The following DPP3 variants were observed in gnomAD, a reference collection of about 807,000 sequenced individuals.
The protein encoded by DPP3 is DPP III.
Under a neutral mutation model 89.8 loss-of-function variants are expected in DPP3, and 64 were observed. That is an observed-to-expected ratio of 0.71 (90% CI 0.58 to 0.88). DPP3 has a LOEUF of 0.88. Ranked by LOEUF, DPP3 falls within the 40% of genes least tolerant of loss-of-function variation. The pLI is 0.00. For missense variants in DPP3, 835 were observed against 972.5 expected (o/e 0.86, Z 1.88); for synonymous variants, 377 against 404.3 (o/e 0.93, Z 0.81).
At chr11:66,500,257 G>A (rs922386465) in intron 16 of DPP3, among the ~76,000 whole-genome samples, 13 of 152,134 alleles carry the variant, frequency 8.5e-5, no homozygotes, top group African/African-American at 3.1e-4. Context: ...AGGAGGCTAA[G>A]GCAGGAGAAT....
chr11:66,498,287 G>T (rs1855593770), intron 16 of DPP3, among the ~76,000 whole-genome samples: 1 of 152,202 alleles, frequency 6.6e-6, no homozygotes, highest in African/African-American at 2.4e-5. Flanking sequence ...TGGAGACAGG[G>T]TTTCACCGTG....
chr11:66,495,577 A>G (rs887557179), intron 14 of DPP3, 53 bp from the exon 15 acceptor site: 7 of 1,613,392 alleles, frequency 4.3e-6, no homozygotes, highest in Non-Finnish European at 5.9e-6. Context: ...GGCCAGTGGG[A>G]TGGGGACAGG....
intron 2 of DPP3, among the ~76,000 whole-genome samples, chr11:66,482,819 A>G (rs181594909): frequency 2.0e-5 from 3 of 152,302 alleles, no homozygotes; most frequent in Non-Finnish European, 2.9e-5. Flanking sequence ...GTTCTTCTCT[A>G]CCACACTGTG....
rs201181731 is a variant in DPP3 at position 66,492,825 on chromosome 11, C to T, written c.1098C>T (p.Asp366=). The T allele has an allele frequency of 2.7e-5, 44 of 1,614,016 alleles. No homozygotes were observed. Among genetic ancestry groups the T allele is most frequent in the Non-Finnish European group, 3.7e-5 (44 of 1,180,022 alleles). ...ELPWPPTFEK[D]KFLTPDFTSL... ...CCTGGCCCCCAACCTTTGAGAAGGA[C>T]AAGTTCCTCACCCCTGACTTCACCT... Residue 366 remains aspartate, a synonymous_variant, in exon 10 of 18, where the codon GAC becomes GAT. Transcript: ENST00000531863.
intron 11 of DPP3, 80 bp from the exon 12 acceptor site, chr11:66,493,461 G>A (rs1025253502): frequency 6.9e-7 from 1 of 1,450,894 alleles, no homozygotes; most frequent in African/African-American, 1.4e-5. Context: ...ATGGGTCCAT[G>A]GCCCAGGGGA....
At chr11:66,483,474 T>C (rs1301205266) in intron 2 of DPP3, among the ~76,000 whole-genome samples, 1 of 152,212 alleles carries the variant, frequency 6.6e-6, no homozygotes, top group Non-Finnish European at 1.5e-5. Context: ...GAATGCCATG[T>C]CTTGAAGAAC....
intron 3 of DPP3, among the ~76,000 whole-genome samples, 166 bp downstream of exon 3, chr11:66,485,428 G>T (rs1855200018): frequency 6.6e-6 from 1 of 152,194 alleles, no homozygotes; most frequent in African/African-American, 2.4e-5. Flanking sequence ...CTCACTGGGT[G>T]CTGCGGCCTC....
At chr11:66,505,220 G>A (rs771203586) in intron 17 of DPP3, among the ~76,000 whole-genome samples, 1 of 152,132 alleles carries the variant, frequency 6.6e-6, no homozygotes, top group African/African-American at 2.4e-5. Flanking sequence ...GCATCATCCC[G>A]CTTCCTTCTC....
chr11:66,495,356 C>A lies in DPP3; in HGVS notation c.1453-9C>A. The A allele has an allele frequency of 5.0e-6, 8 of 1,613,826 alleles. No individual in the cohort carries two copies. The highest frequency in any genetic ancestry group is 6.8e-6 in the Non-Finnish European group (8 of 1,179,808). On this transcript the variant is annotated splice_polypyrimidine_tract_variant and intron_variant, in intron 13 of 17. Coordinates refer to ENST00000531863, the MANE Select transcript of DPP3 (RefSeq NM_130443.4). ...CACCTTAAGCCCGACAGTGGAGCTC[C>A]TTTTCCAGATTCAGAGCTGGTATCG...
chr11:66,509,050 C>G, intron 17 of DPP3, 29 bp from the exon 18 acceptor site: 1 of 1,610,860 alleles, frequency 6.2e-7, no homozygotes, highest in Non-Finnish European at 8.5e-7. Flanking sequence ...AGACCTTTCC[C>G]TGCTGTTTTC....
intron 17 of DPP3, 49 bp downstream of exon 17, chr11:66,504,823 C>A: frequency 6.5e-7 from 1 of 1,538,082 alleles, no homozygotes; most frequent in South Asian, 1.2e-5. Context: ...GAGCACCACA[C>A]AGGGCCCTCT....
At chr11:66,488,380 G>T (rs1335279977) in intron 6 of DPP3, among the ~76,000 whole-genome samples, 2 of 152,158 alleles carry the variant, frequency 1.3e-5, no homozygotes, top group African/African-American at 2.4e-5. Flanking sequence ...TGGCCAACAT[G>T]GTGAAACCCC....
chr11:66,508,754 A>G (rs149810496), intron 17 of DPP3, among the ~76,000 whole-genome samples: 3,641 of 151,994 alleles, frequency 0.024, 162 homozygotes, highest in East Asian at 0.14. Context: ...CAAACTCCTG[A>G]CCTCAGGTGA....
chr11:66,482,446 A>C lies in DPP3; in HGVS notation c.246A>C (p.Glu82Asp). 6.2e-7 allele frequency: 1 copy of C among 1,607,112 alleles called. No individual in the cohort carries two copies. The highest frequency in any genetic ancestry group is 8.5e-7 in the Non-Finnish European group (1 of 1,179,978). ...AGCTGCGCCAACATGCCCTGGCTGA[A>C]GGCCTTACCGAGGAGGAGTATCAGG... is the stretch of plus-strand genomic sequence containing the variant. ...PDQLRQHALA[E>D]GLTEEEYQAF... The change falls in exon 2 of 18, where the codon GAA becomes GAC. Residue 82 changes from glutamate (E) to aspartate (D), a missense_variant. Glu to Asp is a conservative substitution (Grantham distance 45). Coordinates refer to ENST00000531863, the MANE Select transcript of DPP3 (RefSeq NM_130443.4).
At position 66,507,931 on chromosome 11, in the gene DPP3, C is replaced by T. The variant is rs181470410; in HGVS notation, c.2042-1148C>T. Among the ~76,000 whole-genome samples the T allele has an allele frequency of 2.6e-4, 40 of 152,314 alleles. No homozygotes were observed. The East Asian group carries it at 7.3e-3, about 28-fold the overall frequency. Reference sequence around the variant, plus strand: ...ACCTCAAGTGATCCACCCGCCTCAGCCTCCCAAAGTGCTGGCATTACAGGT... The same window carrying T: ...ACCTCAAGTGATCCACCCGCCTCAGTCTCCCAAAGTGCTGGCATTACAGGT... On this transcript the variant is annotated intron_variant, in intron 17 of 17. Transcript: ENST00000531863.
At chr11:66,490,827 C>G (rs1455580609) in intron 6 of DPP3, among the ~76,000 whole-genome samples, 1 of 148,958 alleles carries the variant, frequency 6.7e-6, no homozygotes, top group African/African-American at 2.5e-5. Context: ...TGGAGTGCAG[C>G]AGCACGATCT....
Position 66,509,283 on chromosome 11 carries a change from C to T in DPP3, c.*32C>T. On this transcript the variant is annotated 3_prime_UTR_variant, in exon 18 of 18. Transcript: ENST00000531863. Reference sequence around the variant, plus strand: ...TGTGTGGCCTTGCCCCCAATTCCATCAGACCAAGGCTGCAAGTGGCCCTCC... The same window carrying T: ...TGTGTGGCCTTGCCCCCAATTCCATTAGACCAAGGCTGCAAGTGGCCCTCC... The T allele has an allele frequency of 6.3e-7, 1 of 1,579,544 alleles. No homozygotes were observed. Among genetic ancestry groups the T allele is most frequent in the Non-Finnish European group, 8.6e-7 (1 of 1,161,696 alleles).
intron 6 of DPP3, 127 bp from the exon 7 acceptor site, chr11:66,491,126 C>G: frequency 7.2e-7 from 1 of 1,397,004 alleles, no homozygotes; most frequent in Non-Finnish European, 9.9e-7. Context: ...TACAGGGAGC[C>G]ATTGAAAATC....
At chr11:66,494,214 C>T (rs1410641887) in intron 12 of DPP3, among the ~76,000 whole-genome samples, 1 of 152,156 alleles carries the variant, frequency 6.6e-6, no homozygotes, top group Non-Finnish European at 1.5e-5. Flanking sequence ...TATGGAAACA[C>T]AGACAGTCAT....
Sources: gnomAD v4.1 joint callset for allele counts (sites outside exome capture counted in the v4.1 genomes callset) on GRCh38, gnomAD v4.1.1 for gene constraint, MANE v1.5 for transcripts, NCBI Gene and HGNC (gene_info 2026-07-23, HGNC 2026-07-21) for gene names.